Variants in CS observed in about 807,000 individuals in gnomAD.
CS encodes the protein citrate synthase.
CS carries 13 observed loss-of-function variants against 61.4 expected under a neutral mutation model. The ratio of observed to expected loss-of-function variants is 0.21; its 90% CI spans 0.14 to 0.34. The LOEUF is 0.34. Among genes scored for constraint, CS ranks in the 10% least tolerant of loss-of-function variants. CS has a pLI of 1.00. For synonymous variants in CS, 159 were observed against 215.2 expected (o/e 0.74, Z 2.29); for missense variants, 278 against 573.4 (o/e 0.48, Z 5.26).
At chr12:56,291,353 C>CTTTCT (rs930406483) in intron 1 of CS, 26 of 688,826 alleles carry the variant, frequency 3.8e-5, no homozygotes, top group African/African-American at 2.6e-4. Flanking sequence ...TTCTTTCTTT[C>CTTTCT]TTTTTTTTTT....
Position 56,272,926 on chromosome 12 carries a change from A to G in CS, c.*158T>C, listed in dbSNP as rs570364351. On this transcript the variant is annotated 3_prime_UTR_variant, in exon 11 of 11. Coordinates refer to ENST00000351328, the MANE Select transcript of CS (RefSeq NM_004077.3). Reference sequence around the variant, plus strand: ...ATTAGGGAAGAAGGGACCATTTTTCATCTTTTAAAGTCTTAATTTATATTT... The same window carrying G: ...ATTAGGGAAGAAGGGACCATTTTTCGTCTTTTAAAGTCTTAATTTATATTT... 2.9e-5 allele frequency: 18 copies of G among 619,490 alleles called. No homozygotes were observed. Among genetic ancestry groups the G allele is most frequent in the South Asian group, 2.5e-4 (12 of 48,082 alleles). The allele number at this position is 619,490 out of a possible 1,614,324, so 38.4% of individuals were successfully genotyped here. A position where few individuals can be genotyped will look rare whatever the true frequency, so the allele number is the denominator to read the frequency against.
In CS at chr12:56,295,951, C is replaced by CAA. The variant is rs71081343; in HGVS notation, c.42+4207_42+4208dup. Among the ~76,000 whole-genome samples, 181 of 40,506 alleles carry CAA rather than the reference C, an allele frequency of 4.5e-3. 13 individuals are homozygous for CAA. Among genetic ancestry groups the CAA allele is most frequent in the African/African-American group, 0.013 (108 of 8,124 alleles). The allele number at this position is 40,506 out of a possible 152,430, so 26.6% of individuals were successfully genotyped here. ...CCTAGGCGACAGAGCGAAACTGTCT[C>CAA]AAAAAAAAAAAAAAAAAAAAAAAAA... On this transcript the variant is annotated intron_variant, in intron 1 of 10. Coordinates refer to ENST00000351328, the MANE Select transcript of CS (RefSeq NM_004077.3).
chr12:56,280,727 A>G (rs146660898), intron 6 of CS, among the ~76,000 whole-genome samples: 185 of 152,302 alleles, frequency 1.2e-3, no homozygotes, highest in African/African-American at 3.7e-3. Flanking sequence ...AAATAAATAA[A>G]TAAATAAAAT....
chr12:56,298,028 C>G (rs900586694), intron 1 of CS, among the ~76,000 whole-genome samples: 3 of 148,452 alleles, frequency 2.0e-5, no homozygotes, highest in Non-Finnish European at 4.5e-5. Context: ...AACGGAGTTT[C>G]GCTCTTGTTG....
chr12:56,291,348 T>G (rs963165068), intron 1 of CS: 8 of 901,942 alleles, frequency 8.9e-6, no homozygotes, highest in Non-Finnish European at 1.1e-5. Context: ...TTTCTTTCTT[T>G]CTTTCTTTTT....
intron 6 of CS, among the ~76,000 whole-genome samples, chr12:56,281,044 A>G (rs911160857): frequency 6.6e-6 from 1 of 152,228 alleles, no homozygotes; most frequent in Non-Finnish European, 1.5e-5. Context: ...AGGTGGTTGC[A>G]TCAGAGCAGT....
intron 6 of CS, among the ~76,000 whole-genome samples, chr12:56,278,106 G>A (rs192280903): frequency 1.6e-3 from 236 of 152,190 alleles, no homozygotes; most frequent in Non-Finnish European, 2.8e-3. Context: ...GCCAAGAAGC[G>A]TTACCTAGCT....
In CS at chr12:56,274,640, T is replaced by A. The variant is rs184085414; in HGVS notation, c.1020+137A>T. The A allele has an allele frequency of 2.5e-5, 17 of 688,488 alleles. No homozygotes were observed. In the Admixed American group the frequency reaches 5.9e-4, roughly 24 times the overall value. 42.6% of individuals were successfully genotyped at this position (688,488 alleles called of 1,614,324 possible). On this transcript the variant is annotated intron_variant, in intron 9 of 10. Transcript: ENST00000351328. ...CATTGTGCCCACCTAGAAATTCTTT[T>A]CTAAATTCTTCAAGGTAGATAAATG...
chr12:56,279,890 C>T (rs1159398623), intron 6 of CS, among the ~76,000 whole-genome samples: 1 of 151,676 alleles, frequency 6.6e-6, no homozygotes, highest in Non-Finnish European at 1.5e-5. Context: ...ATCGCTTGAA[C>T]CCAGGAGGCA....
At chr12:56,284,769 C>T (rs1270406486) in intron 3 of CS, among the ~76,000 whole-genome samples, 1 of 149,010 alleles carries the variant, frequency 6.7e-6, no homozygotes. Flanking sequence ...CGTGGTGGTG[C>T]GGGCCTGTAA....
chr12:56,288,428 C>T (rs1322416757), intron 1 of CS, among the ~76,000 whole-genome samples: 2 of 149,394 alleles, frequency 1.3e-5, no homozygotes, highest in Non-Finnish European at 3.0e-5. Flanking sequence ...CTCTGGCTCC[C>T]GTGTTCAAGT....
intron 1 of CS, among the ~76,000 whole-genome samples, chr12:56,294,260 G>A (rs1223417972): frequency 6.6e-6 from 1 of 151,958 alleles, no homozygotes. Context: ...GATCACCTGA[G>A]GTGAGGGGTT....
rs1873377128 is a variant in CS at position 56,298,477 on chromosome 12, C to T, written c.42+1683G>A. 1.2e-5 allele frequency: 3 copies of T among 241,968 alleles called. No homozygotes were observed. The Admixed American group carries it at 2.0e-4, about 16-fold the overall frequency. 15.0% of individuals were successfully genotyped at this position (241,968 alleles called of 1,614,324 possible). A position where few individuals can be genotyped will look rare whatever the true frequency, so the allele number is the denominator to read the frequency against. ...TAAATTCAATAGGTAAATCCCAAGG[C>T]TTTTTCACATTCACTGCAGGGTTAG... On this transcript the variant is annotated intron_variant, in intron 1 of 10. Coordinates refer to ENST00000351328, the MANE Select transcript of CS (RefSeq NM_004077.3).
chr12:56,276,260 G>GAT (rs1202889645), intron 6 of CS, 65 bp from the exon 7 acceptor site: 2 of 1,492,172 alleles, frequency 1.3e-6, no homozygotes, highest in African/African-American at 2.8e-5. Flanking sequence ...ATTAGGCAGG[G>GAT]ATATCGTCTG....
chr12:56,284,770 G>A (rs1316820338), intron 3 of CS, among the ~76,000 whole-genome samples: 27 of 149,426 alleles, frequency 1.8e-4, no homozygotes, highest in Admixed American at 2.7e-4. Flanking sequence ...GTGGTGGTGC[G>A]GGCCTGTAAT....
At chr12:56,277,859 C>T (rs1424312100) in intron 6 of CS, among the ~76,000 whole-genome samples, 1 of 151,936 alleles carries the variant, frequency 6.6e-6, no homozygotes, top group Admixed American at 6.6e-5. Flanking sequence ...GAACTCCCGA[C>T]CTCAGGTGAT....
chr12:56,285,803 T>C (rs1872923428), intron 3 of CS, 113 bp downstream of exon 3: 1 of 845,384 alleles, frequency 1.2e-6, no homozygotes, highest in African/African-American at 1.7e-5. Context: ...CCTAAAGCTG[T>C]CCTACAGGGC....
Position 56,290,956 on chromosome 12 carries a change from CCAAA to C in CS, c.43-4315_43-4312del, listed in dbSNP as rs377660962. The stretch of plus-strand genomic sequence containing the variant: ...TTCTTGGGCCTCAGACTTACTGAAT[CCAAA>C]CAGTTTAGATATGGAGTTACCAAGG... On this transcript the variant is annotated intron_variant, in intron 1 of 10. Coordinates refer to ENST00000351328, the MANE Select transcript of CS (RefSeq NM_004077.3). Among the ~76,000 whole-genome samples the C allele has an allele frequency of 4.4e-3, 675 of 152,212 alleles. 7 individuals carry two copies. The highest frequency in any genetic ancestry group is 0.016 in the African/African-American group (659 of 41,530).
chr12:56,272,350 C>T lies in CS; in HGVS notation c.*734G>A, dbSNP rs1215849070. ...TCTGTTGAGAGGTCTCTAGTAGGGA[C>T]CAAGAGGGGGAGGTCCAGAACATCC... On this transcript the variant is annotated 3_prime_UTR_variant, in exon 11 of 11. Coordinates refer to ENST00000351328, the MANE Select transcript of CS (RefSeq NM_004077.3). 6.5e-6 allele frequency: 1 copy of T among 154,398 alleles called. No individual in the cohort carries two copies. Among genetic ancestry groups the T allele is most frequent in the East Asian group, 1.9e-4 (1 of 5,242 alleles). The allele number at this position is 154,398 out of a possible 1,614,324, so 9.6% of individuals were successfully genotyped here. A position where few individuals can be genotyped will look rare whatever the true frequency, so the allele number is the denominator to read the frequency against.
Sources: gnomAD v4.1 joint callset for allele counts (sites outside exome capture counted in the v4.1 genomes callset) on GRCh38, gnomAD v4.1.1 for gene constraint, MANE v1.5 for transcripts, NCBI Gene and HGNC (gene_info 2026-07-23, HGNC 2026-07-21) for gene names.